Variants in CSMD2 observed in about 807,000 individuals in gnomAD.
The protein encoded by CSMD2 is CUB and sushi domain-containing protein 2.
CSMD2 carries 130 observed loss-of-function variants against 398.5 expected under a neutral mutation model. That is an observed-to-expected ratio of 0.33 (90% confidence interval 0.28 to 0.38). The LOEUF is 0.38. Among genes scored for constraint, CSMD2 ranks in the 10% least tolerant of loss-of-function variants. CSMD2 has a pLI of 1.00. For missense variants in CSMD2, 3,829 were observed against 4,764.9 expected, an observed-to-expected ratio of 0.80 and a Z score of 5.78; for synonymous variants, 1,828 against 1,908.5, an observed-to-expected ratio of 0.96 and a Z score of 1.10.
At chr1:33,687,177 AC>A (rs988403752) in intron 25 of CSMD2, among the ~76,000 whole-genome samples, 7 of 152,182 alleles carry the variant, frequency 4.6e-5, no homozygotes, top group Non-Finnish European at 1.0e-4. Flanking sequence ...AAACAATAAA[AC>A]TCATGGGACA....
At chr1:34,027,840 CTGGG>C (rs1649856809) in intron 3 of CSMD2, among the ~76,000 whole-genome samples, 1 of 151,520 alleles carries the variant, frequency 6.6e-6, no homozygotes, top group African/African-American at 2.4e-5. Flanking sequence ...GAGGCTAGAC[CTGGG>C]CAGACAGCCC....
chr1:33,774,790 C>A (rs1277279706), intron 12 of CSMD2, among the ~76,000 whole-genome samples: 1 of 152,182 alleles, frequency 6.6e-6, no homozygotes, highest in East Asian at 1.9e-4. Context: ...ATCTGCCCAG[C>A]CTTCCCATCG....
At chr1:33,935,725 G>A (rs373800430) in intron 4 of CSMD2, 35 bp downstream of exon 4, 7 of 1,561,708 alleles carry the variant, frequency 4.5e-6, no homozygotes, top group South Asian at 2.5e-5. Context: ...CCCAGCCACT[G>A]CCCCACTCTG....
At chr1:34,022,288 CAACAA>C (rs1355778475) in intron 3 of CSMD2, among the ~76,000 whole-genome samples, 2 of 152,192 alleles carry the variant, frequency 1.3e-5, no homozygotes, top group African/African-American at 4.8e-5. Context: ...TTCTTCCCTA[CAACAA>C]TCCCATGGAG....
At chr1:33,737,161 A>G (rs185775082) in intron 15 of CSMD2, among the ~76,000 whole-genome samples, 92 of 152,314 alleles carry the variant, frequency 6.0e-4, no homozygotes, top group Non-Finnish European at 1.0e-3. Flanking sequence ...AAGCCCATTA[A>G]TTCTACAGCT....
At chr1:33,728,009 T>G (rs1016999909) in intron 15 of CSMD2, among the ~76,000 whole-genome samples, 8 of 152,186 alleles carry the variant, frequency 5.3e-5, no homozygotes, top group Admixed American at 5.2e-4. Flanking sequence ...AAATCCCCTG[T>G]GAGGTTGGTG....
intron 2 of CSMD2, among the ~76,000 whole-genome samples, chr1:34,065,475 A>G (rs1655009108): frequency 6.6e-6 from 1 of 152,134 alleles, no homozygotes; most frequent in Admixed American, 6.5e-5. Context: ...GCCTATGTCT[A>G]CAAGGGTACC....
intron 5 of CSMD2, among the ~76,000 whole-genome samples, chr1:33,912,765 A>G (rs1489756661): frequency 2.6e-5 from 4 of 151,958 alleles, no homozygotes; most frequent in Non-Finnish European, 5.9e-5. Flanking sequence ...TCCTGCACAG[A>G]GCTCTTAGTG....
intron 3 of CSMD2, among the ~76,000 whole-genome samples, chr1:33,988,763 T>A (rs1646445660): frequency 6.6e-6 from 1 of 151,830 alleles, no homozygotes. Flanking sequence ...AGGGAATCAA[T>A]CATGTTGTAT....
intron 3 of CSMD2, among the ~76,000 whole-genome samples, chr1:34,030,046 T>A (rs1034107138): frequency 6.6e-6 from 1 of 152,238 alleles, no homozygotes; most frequent in African/African-American, 2.4e-5. Flanking sequence ...GTGAATCCGA[T>A]GAAAGCTCCA....
chr1:33,762,670 A>C (rs962792763), intron 13 of CSMD2, among the ~76,000 whole-genome samples: 2 of 152,186 alleles, frequency 1.3e-5, no homozygotes, highest in East Asian at 3.8e-4. Flanking sequence ...ACTTCTGAAA[A>C]TCTGCCAGTT....
intron 5 of CSMD2, among the ~76,000 whole-genome samples, chr1:33,904,737 G>A (rs560011330): frequency 7.1e-6 from 1 of 141,170 alleles, no homozygotes; most frequent in East Asian, 2.1e-4. Flanking sequence ...CGATCTCACT[G>A]CAAGCTCCAC....
rs2148517658 is a variant in CSMD2, at chr1:33,519,426, G to T, written c.*53+39C>A. 1.5e-6 allele frequency: 2 copies of T among 1,334,156 alleles called. No individual in the cohort carries two copies. The highest frequency in any genetic ancestry group is 2.6e-4 in the Middle Eastern group (1 of 3,838). The allele number at this position is 1,334,156 out of a possible 1,614,324, so 82.6% of individuals were successfully genotyped here. On this transcript the variant is annotated intron_variant, in intron 70 of 70. Transcript: ENST00000373381. The surrounding 1 kb of genome is among the most constrained non-coding windows in gnomAD (Gnocchi z 5.6). ...CTGGCACGCATAGGTCCCTGTCTGT[G>T]CTTGTCATGGCCTGTCTTCCTCCCA...
intron 1 of CSMD2, among the ~76,000 whole-genome samples, chr1:34,132,141 A>C (rs1299051506): frequency 6.6e-6 from 1 of 151,756 alleles, no homozygotes; most frequent in Non-Finnish European, 1.5e-5. Context: ...GAGAGGGAGG[A>C]CTCGCCTCTG....
intron 5 of CSMD2, among the ~76,000 whole-genome samples, chr1:33,852,295 T>C (rs546620034): frequency 7.9e-5 from 12 of 152,358 alleles, no homozygotes; most frequent in African/African-American, 2.9e-4. Flanking sequence ...GTGGGGAATT[T>C]TGATCAAATC....
intron 1 of CSMD2, among the ~76,000 whole-genome samples, chr1:34,159,496 G>A (rs1245762338): frequency 2.0e-5 from 3 of 152,204 alleles, no homozygotes; most frequent in Non-Finnish European, 2.9e-5. Context: ...TTCCAGGGAC[G>A]TGGTACCAGC....
At chr1:33,792,599 G>T in intron 10 of CSMD2, 73 bp from the exon 11 acceptor site, 1 of 981,760 alleles carries the variant, frequency 1.0e-6, no homozygotes, top group Non-Finnish European at 1.6e-6. Context: ...AGGGGAGGAA[G>T]GATTTTCTGT....
At chr1:34,096,175 A>G (rs1281058566) in intron 1 of CSMD2, among the ~76,000 whole-genome samples, 2 of 152,030 alleles carry the variant, frequency 1.3e-5, no homozygotes, top group Non-Finnish European at 2.9e-5. Context: ...GACTATCTCA[A>G]TAGATGCAGA....
intron 5 of CSMD2, among the ~76,000 whole-genome samples, chr1:33,868,541 G>A (rs1221600304): frequency 6.6e-6 from 1 of 152,128 alleles, no homozygotes; most frequent in Non-Finnish European, 1.5e-5. Flanking sequence ...TTTGAGACCA[G>A]CCTGATCAAC....
Sources: allele counts gnomAD v4.1 joint callset (sites outside exome capture counted in the v4.1 genomes callset), GRCh38; gene constraint gnomAD v4.1.1; non-coding constraint Gnocchi (gnomAD v3.1); transcripts MANE v1.5; gene names NCBI Gene and HGNC (gene_info 2026-07-23, HGNC 2026-07-21).